LLGL2: variants seen among roughly 807,000 people sequenced by gnomAD.
The protein encoded by LLGL2 is LLGL scribble cell polarity complex component 2, also known as LLGL2, scribble cell polarity complex component.
In LLGL2, 81 loss-of-function variants were observed where a neutral mutation model predicts 123.2. The observed-to-expected ratio is 0.66, with a 90% CI of 0.55 to 0.79. The LOEUF is 0.79. Among genes scored for constraint, LLGL2 ranks in the 30% least tolerant of loss-of-function variants. The pLI, the probability that LLGL2 is intolerant of heterozygous loss-of-function variation, is 0.00. For synonymous variants in LLGL2, 577 were observed against 594.1 expected (o/e 0.97, Z 0.42); for missense variants, 1,273 against 1,414.6 (o/e 0.90, Z 1.61).
At chr17:75,571,445 G>A in intron 17 of LLGL2, 1 of 590,246 alleles carries the variant, frequency 1.7e-6, no homozygotes, top group Non-Finnish European at 3.0e-6. Context: ...GAGCCTGCTG[G>A]TCTCCAGATG....
intron 1 of LLGL2, among the ~76,000 whole-genome samples, chr17:75,537,711 C>T (rs2054058155): frequency 6.6e-6 from 1 of 151,622 alleles, no homozygotes; most frequent in Admixed American, 6.6e-5. Flanking sequence ...AAAAAAAAAT[C>T]CCTTAAAACC....
rs988890023 is a variant in LLGL2 at position 75,549,090 on chromosome 17, G to A, written c.75+5589G>A. On this transcript the variant is annotated intron_variant, in intron 2 of 25. Coordinates refer to ENST00000392550, the MANE Select transcript of LLGL2 (RefSeq NM_001031803.2). This position sits in a 1 kb window ranked among gnomAD's most constrained non-coding sequence, Gnocchi z 4.0. ...GGTTTCACCTGTGGTCTGGCTGTGT[G>A]GCCTTAGAGTGGTGGCTTCACCTCC... 6.6e-6 allele frequency among the ~76,000 whole-genome samples: 1 copy of A among 152,086 alleles called. No homozygotes were observed. The highest frequency in any genetic ancestry group is 2.4e-5 in the African/African-American group (1 of 41,390).
At chr17:75,543,570 C>A in intron 2 of LLGL2, 69 bp downstream of exon 2, 1 of 1,262,540 alleles carries the variant, frequency 7.9e-7, no homozygotes, top group Non-Finnish European at 1.1e-6. Flanking sequence ...GGGGCTGAGG[C>A]ACCTCTTACC....
chr17:75,570,109 C>T lies in LLGL2; in HGVS notation c.1728C>T (p.Gly576=). 6.2e-7 allele frequency: 1 copy of T among 1,605,520 alleles called. No homozygotes were observed. ...ARSGPVRFEP[G]FQPFVLVQCQ... ...CAGGGCCCGTGCGCTTTGAGCCTGG[C>T]TTTCAGCCCTTCGTGTTGGTGCAGT... Residue 576 remains glycine, a synonymous_variant, in exon 15 of 26, where the codon GGC becomes GGT. Transcript: ENST00000392550.
intron 1 of LLGL2, among the ~76,000 whole-genome samples, chr17:75,529,916 A>G (rs1300090083): frequency 2.0e-5 from 3 of 152,154 alleles, no homozygotes; most frequent in Non-Finnish European, 4.4e-5. Context: ...TCTAGGCTTC[A>G]GGTGTAGTTT....
intron 16 of LLGL2, 130 bp downstream of exon 16, chr17:75,570,628 A>G: frequency 4.2e-6 from 5 of 1,178,660 alleles, no homozygotes; most frequent in African/African-American, 1.5e-5. Flanking sequence ...TCCAGGTCGC[A>G]TTGTGTGACC....
At chr17:75,530,500 A>G (rs1344622701) in intron 1 of LLGL2, among the ~76,000 whole-genome samples, 1 of 152,132 alleles carries the variant, frequency 6.6e-6, no homozygotes, top group Non-Finnish European at 1.5e-5. Context: ...AATACAAAAA[A>G]TTAGCTGGGC....
chr17:75,543,174 T>G, intron 1 of LLGL2: 1 of 326,486 alleles, frequency 3.1e-6, no homozygotes, highest in Non-Finnish European at 5.5e-6. Flanking sequence ...ACCCCCATTA[T>G]AAGGCCACAG....
At chr17:75,534,004 C>A (rs1362081635) in intron 1 of LLGL2, among the ~76,000 whole-genome samples, 2 of 151,538 alleles carry the variant, frequency 1.3e-5, no homozygotes, top group African/African-American at 4.9e-5. Context: ...CTTGGGACAG[C>A]TGTTCCAGTT....
intron 16 of LLGL2, 80 bp downstream of exon 16, chr17:75,570,578 C>G (rs919761869): frequency 2.7e-6 from 4 of 1,483,928 alleles, no homozygotes; most frequent in Non-Finnish European, 3.6e-6. Context: ...CACACGGCCC[C>G]TGCTCCCCAG....
Position 75,543,575 on chromosome 17 carries a change from C to T in LLGL2, c.75+74C>T. 3.3e-6 allele frequency: 4 copies of T among 1,229,006 alleles called. No individual in the cohort carries two copies. The South Asian group carries it at 5.5e-5, about 17-fold the overall frequency. 76.1% of individuals were successfully genotyped at this position (1,229,006 alleles called of 1,614,324 possible). On this transcript the variant is annotated intron_variant, in intron 2 of 25. Transcript: ENST00000392550. The stretch of plus-strand genomic sequence containing the variant: ...AGCTCAGGCTGGGGCTGAGGCACCT[C>T]TTACCTGGATTAAGGTATAGCTCTT...
rs147856534 is a variant in LLGL2 at position 75,573,509 on chromosome 17, T to A, written c.2754T>A (p.Phe918Leu). ...TCTACCTGATCTCACCCTCGGAGTT[T>A]GAGCGCTTCTCTCTCTCCACCAAGT... is the stretch of plus-strand genomic sequence containing the variant. ...QGFYLISPSE[F>L]ERFSLSTKWL... The change falls in exon 21 of 26, where the codon TTT becomes TTA. Residue 918 changes from phenylalanine (F) to leucine (L), a missense_variant. Physicochemically the swap from Phe to Leu is conservative, Grantham distance 22. Transcript: ENST00000392550. The A allele has an allele frequency of 4.6e-4, 736 of 1,612,536 alleles. 11 individuals are homozygous for A. In the South Asian group the frequency reaches 7.0e-3, roughly 15 times the overall value.
At position 75,544,978 on chromosome 17, in the gene LLGL2, T is replaced by C. The variant is rs1197297963; in HGVS notation, c.75+1477T>C. Among the ~76,000 whole-genome samples, 2 of 152,088 alleles carry C rather than the reference T, an allele frequency of 1.3e-5. No individual in the cohort carries two copies. Among genetic ancestry groups the C allele is most frequent in the East Asian group, 1.9e-4 (1 of 5,194 alleles). ...CCCTTGCTCTGGAGGGAGTAGCCTA[T>C]GGGTGCTGGGTCTCAAAGCTTCGGT... On this transcript the variant is annotated intron_variant, in intron 2 of 25. Transcript: ENST00000392550. The surrounding 1 kb of genome is among the most constrained non-coding windows in gnomAD (Gnocchi z 4.2).
rs1336399038 is a variant in LLGL2 at position 75,564,538 on chromosome 17, G to T, written c.1036+31G>T. On this transcript the variant is annotated intron_variant, in intron 10 of 25. Transcript: ENST00000392550. This position sits in a 1 kb window ranked among gnomAD's most constrained non-coding sequence, Gnocchi z 4.9. ...AGAGCTTCGGGAGTGGGTGCCCAGG[G>T]TTAGGTGTGGGAGGCATGGGGCAGG... 1.2e-6 allele frequency: 2 copies of T among 1,612,410 alleles called. No individual in the cohort carries two copies. Among genetic ancestry groups the T allele is most frequent in the African/African-American group, 1.3e-5 (1 of 74,922 alleles).
chr17:75,568,858 AC>A lies in LLGL2; in HGVS notation c.1322+23del, dbSNP rs2055562594. The A allele has an allele frequency of 1.3e-6, 2 of 1,566,268 alleles. No individual in the cohort carries two copies. Among genetic ancestry groups the A allele is most frequent in the East Asian group, 4.5e-5 (2 of 44,384 alleles). On this transcript the variant is annotated intron_variant, in intron 12 of 25. Transcript: ENST00000392550. Reference sequence around the variant, plus strand: ...TCACAGGGTAGGGTACTTTGATGCTACCCCACCTCTTCCCAGTAGGATATGT... The same window carrying A: ...TCACAGGGTAGGGTACTTTGATGCTACCCACCTCTTCCCAGTAGGATATGT...
chr17:75,570,317 A>T (rs756781916), intron 15 of LLGL2, 31 bp from the exon 16 acceptor site: 1 of 1,609,184 alleles, frequency 6.2e-7, no homozygotes. Flanking sequence ...CCCAGGACCT[A>T]GCAGCACTGA....
intron 10 of LLGL2, among the ~76,000 whole-genome samples, chr17:75,566,065 C>T (rs918716637): frequency 2.6e-5 from 4 of 152,194 alleles, no homozygotes; most frequent in Non-Finnish European, 1.5e-5. Flanking sequence ...GACGTATTTG[C>T]GCAGACACGG....
Position 75,563,751 on chromosome 17 carries a change from G to A in LLGL2, c.827-1G>A, listed in dbSNP as rs1461954554. On this transcript the variant is annotated splice_acceptor_variant, in intron 8 of 25. Transcript: ENST00000392550. LOFTEE classifies it high-confidence loss of function. ...GTTCAAGCCGATTCCTTTCCTTTCA[G>A]GTCCCTTTCCTTGCAAAGCGATTAC... The A allele has an allele frequency of 6.2e-7, 1 of 1,613,972 alleles. No homozygotes were observed. Among genetic ancestry groups the A allele is most frequent in the Non-Finnish European group, 8.5e-7 (1 of 1,180,026 alleles).
At chr17:75,560,377 C>T (rs2055145677) in intron 6 of LLGL2, among the ~76,000 whole-genome samples, 1 of 152,270 alleles carries the variant, frequency 6.6e-6, no homozygotes, top group Admixed American at 6.5e-5. Flanking sequence ...CAGGTGGCCA[C>T]ACCAGTGCCC....
Sources: gnomAD v4.1 joint callset for allele counts (sites outside exome capture counted in the v4.1 genomes callset) on GRCh38, gnomAD v4.1.1 for gene constraint, Gnocchi (gnomAD v3.1) non-coding constraint, MANE v1.5 for transcripts, NCBI Gene and HGNC (gene_info 2026-07-23, HGNC 2026-07-21) for gene names.